Variants in PRKD1 observed in about 807,000 individuals in gnomAD.
PRKD1 encodes the protein protein kinase D1, also known as serine/threonine-protein kinase D1.
Under a neutral mutation model 95.9 loss-of-function variants are expected in PRKD1, and 63 were observed. The observed-to-expected ratio is 0.66, with a 90% CI of 0.54 to 0.81. The LOEUF is 0.81. PRKD1 is among the 30% of genes least tolerant of loss of function. The pLI, the probability that PRKD1 is intolerant of heterozygous loss-of-function variation, is 0.00. For missense variants in PRKD1, 1,048 were observed against 1,165.3 expected (o/e 0.90, Z 1.47); for synonymous variants, 425 against 423.1 (o/e 1.00, Z -0.05).
chr14:29,824,992 C>T (rs1363892675), intron 1 of PRKD1, among the ~76,000 whole-genome samples: 1 of 152,050 alleles, frequency 6.6e-6, no homozygotes, highest in Non-Finnish European at 1.5e-5. Flanking sequence ...AATAGAAGAT[C>T]CTTTCAGATT....
intron 1 of PRKD1, among the ~76,000 whole-genome samples, chr14:29,898,447 G>A (rs779673776): frequency 1.3e-5 from 2 of 152,132 alleles, no homozygotes; most frequent in African/African-American, 4.8e-5. Context: ...AGGTCCGTAA[G>A]TGCCTGGGGA....
chr14:29,615,784 C>T (rs1429362491), intron 13 of PRKD1, among the ~76,000 whole-genome samples: 5 of 152,104 alleles, frequency 3.3e-5, no homozygotes, highest in Non-Finnish European at 4.4e-5. Flanking sequence ...CAGGTACTGT[C>T]GAATGACTTA....
rs141019572 is a variant in PRKD1, at chr14:29,666,148, C to T, written c.464G>A (p.Arg155Lys). 2 of 1,608,824 alleles carry T rather than the reference C, an allele frequency of 1.2e-6. No individual in the cohort carries two copies. Among genetic ancestry groups the T allele is most frequent in the African/African-American group, 1.3e-5 (1 of 74,946 alleles). The stretch of plus-strand genomic sequence containing the variant: ...ACAGTGATCACAGAAAGCTGGAGCT[C>T]TGTATGAATGAACAAAGAGAGCGTG... ...RPHALFVHSY[R>K]APAFCDHCGE... Residue 155 changes from arginine (R) to lysine (K), a missense_variant, in exon 3 of 18, where the codon AGA (arginine) becomes AAA (lysine). Around this residue, in one of 3 missense-constraint regions of PRKD1, gnomAD observed 275 missense variants for 248.6 expected, o/e 1.11. Transcript: ENST00000331968.
chr14:29,626,347 C>G (rs1879621848), intron 12 of PRKD1, 137 bp downstream of exon 12: 3 of 716,314 alleles, frequency 4.2e-6, no homozygotes, highest in Non-Finnish European at 6.7e-6. Flanking sequence ...TTTTTAAACG[C>G]AGAACACAAA....
intron 1 of PRKD1, among the ~76,000 whole-genome samples, chr14:29,727,526 A>C (rs1346966310): frequency 6.6e-6 from 1 of 151,372 alleles, no homozygotes; most frequent in Non-Finnish European, 1.5e-5. Context: ...TTATGGTTTT[A>C]GGTCTAACGT....
chr14:29,797,020 C>A (rs1298433170), intron 1 of PRKD1, among the ~76,000 whole-genome samples: 2 of 152,096 alleles, frequency 1.3e-5, no homozygotes, highest in Non-Finnish European at 2.9e-5. Flanking sequence ...CAATTTAGAG[C>A]TCTAAGGAGG....
Position 29,840,905 on chromosome 14 carries a change from G to A in PRKD1, c.264+86344C>T, listed in dbSNP as rs141295069. On this transcript the variant is annotated intron_variant, in intron 1 of 17. Transcript: ENST00000331968. ...CGTGGGAATTCAAGATGACATTTGGGTGGGGACACAGCCAAACCGTATCAG... is the reference window on the plus strand; with the variant it reads ...CGTGGGAATTCAAGATGACATTTGGATGGGGACACAGCCAAACCGTATCAG... Among the ~76,000 whole-genome samples, 623 of 152,294 alleles carry A rather than the reference G, an allele frequency of 4.1e-3. 10 individuals carry two copies. The highest frequency in any genetic ancestry group is 0.037 in the Admixed American group (573 of 15,292).
At chr14:29,586,527 T>C (rs1391220620) in intron 16 of PRKD1, among the ~76,000 whole-genome samples, 1 of 152,240 alleles carries the variant, frequency 6.6e-6, no homozygotes, top group Non-Finnish European at 1.5e-5. Flanking sequence ...AAATCCACAG[T>C]AAACTCAGTA....
intron 12 of PRKD1, among the ~76,000 whole-genome samples, chr14:29,624,779 A>G (rs1879506968): frequency 6.6e-6 from 1 of 152,168 alleles, no homozygotes; most frequent in Non-Finnish European, 1.5e-5. Flanking sequence ...CATGTAAAGT[A>G]TACAAAATAC....
intron 2 of PRKD1, among the ~76,000 whole-genome samples, chr14:29,710,204 C>A (rs1217838049): frequency 2.6e-5 from 4 of 152,124 alleles, no homozygotes; most frequent in African/African-American, 9.7e-5. Context: ...ACACTCCACT[C>A]TCCAGAGGGT....
chr14:29,682,171 T>A (rs1959435), intron 2 of PRKD1, among the ~76,000 whole-genome samples: 78,662 of 151,514 alleles, frequency 0.52, 22,975 homozygotes, highest in African/African-American at 0.8. Context: ...ATGCAGTTTG[T>A]TTCCTGGTTT....
At chr14:29,644,007 T>C (rs1375527863) in intron 4 of PRKD1, among the ~76,000 whole-genome samples, 2 of 152,206 alleles carry the variant, frequency 1.3e-5, no homozygotes, top group East Asian at 3.8e-4. Context: ...TCTGAATCAT[T>C]TGATAATAAG....
At chr14:29,724,451 G>A (rs1174590264) in intron 2 of PRKD1, among the ~76,000 whole-genome samples, 1 of 152,060 alleles carries the variant, frequency 6.6e-6, no homozygotes, top group East Asian at 1.9e-4. Context: ...TCAGGTGCAG[G>A]CAACAGAAAA....
intron 1 of PRKD1, among the ~76,000 whole-genome samples, chr14:29,734,028 C>CTTTTTTTTTTTTTTTTTTTTT (rs58908662): frequency 7.7e-5 from 5 of 64,640 alleles, no homozygotes; most frequent in African/African-American, 3.2e-4. Context: ...ACTTTCCTGC[C>CTTTTTTTTTTTTTTTTTTTTT]TTTTTTTTTT....
intron 13 of PRKD1, among the ~76,000 whole-genome samples, chr14:29,614,856 A>ATTT (rs55917722): frequency 8.6e-6 from 1 of 115,646 alleles, no homozygotes; most frequent in African/African-American, 3.6e-5. Flanking sequence ...TGCCCAGCTA[A>ATTT]TTTTTTTTTT....
At chr14:29,603,429 C>T (rs1893595229) in intron 13 of PRKD1, among the ~76,000 whole-genome samples, 2 of 152,082 alleles carry the variant, frequency 1.3e-5, no homozygotes, top group South Asian at 4.2e-4. Context: ...TAGATCATGC[C>T]TTATTTAGTC....
At chr14:29,614,716 T>C (rs974587570) in intron 13 of PRKD1, among the ~76,000 whole-genome samples, 2 of 152,004 alleles carry the variant, frequency 1.3e-5, no homozygotes, top group African/African-American at 4.8e-5. Context: ...TTTTTTTTTT[T>C]GAGACAGAGT....
At chr14:29,706,280 T>G (rs1435949395) in intron 2 of PRKD1, among the ~76,000 whole-genome samples, 4 of 152,170 alleles carry the variant, frequency 2.6e-5, no homozygotes. Context: ...TTGCCCATTT[T>G]ATAAAATTGG....
chr14:29,679,903 T>C (rs1883441671), intron 2 of PRKD1, among the ~76,000 whole-genome samples: 1 of 151,868 alleles, frequency 6.6e-6, no homozygotes, highest in Non-Finnish European at 1.5e-5. Context: ...AATTTTTGTA[T>C]GGAAGGTACA....
Sources: allele counts gnomAD v4.1 joint callset (sites outside exome capture counted in the v4.1 genomes callset), GRCh38; gene constraint gnomAD v4.1.1; regional missense constraint gnomAD v4.1.1; transcripts MANE v1.5; gene names NCBI Gene and HGNC (gene_info 2026-07-23, HGNC 2026-07-21).